Variants in SEMA3A observed in about 807,000 individuals in gnomAD.
SEMA3A encodes the protein semaphorin 3A, also known as semaphorin-3A.
SEMA3A carries 29 observed loss-of-function variants against 97.9 expected under a neutral mutation model. The observed-to-expected ratio is 0.30, with a 90% CI of 0.22 to 0.40. The LOEUF (loss-of-function observed/expected upper bound fraction) is 0.40, where lower values mean the gene tolerates loss of function less well. Among genes scored for constraint, SEMA3A ranks in the 10% least tolerant of loss-of-function variants. SEMA3A has a pLI of 1.00. For synonymous variants in SEMA3A, 321 were observed against 323.7 expected, an observed-to-expected ratio of 0.99 and a Z score of 0.09; for missense variants, 763 against 951.3, an observed-to-expected ratio of 0.80 and a Z score of 2.60.
chr7:84,142,061 A>T (rs1188446756), intron 1 of SEMA3A, among the ~76,000 whole-genome samples: 2 of 152,130 alleles, frequency 1.3e-5, no homozygotes, highest in Admixed American at 6.6e-5. Context: ...TTTTCCTCAA[A>T]TATGCTTATA....
At chr7:84,214,139 C>T (rs1284651229) in intron 3 of SEMA3A, among the ~76,000 whole-genome samples, 2 of 152,084 alleles carry the variant, frequency 1.3e-5, no homozygotes, top group African/African-American at 4.8e-5. Context: ...TGAATAGATA[C>T]TTTTTTGTAC....
At chr7:84,453,109 T>C (rs1321069053) in intron 1 of SEMA3A, among the ~76,000 whole-genome samples, 6 of 146,386 alleles carry the variant, frequency 4.1e-5, no homozygotes, top group Admixed American at 2.0e-4. Context: ...CAAAGGAATC[T>C]GGAGGAAAAA....
chr7:84,422,282 T>A (rs551725427), intron 1 of SEMA3A, among the ~76,000 whole-genome samples: 1 of 152,246 alleles, frequency 6.6e-6, no homozygotes, highest in African/African-American at 2.4e-5. Context: ...CCATTTATTC[T>A]AGATTTTCTA....
chr7:83,963,566 C>T (rs971360899), intron 15 of SEMA3A, among the ~76,000 whole-genome samples: 12 of 152,208 alleles, frequency 7.9e-5, no homozygotes, highest in South Asian at 4.2e-4. Flanking sequence ...AAAACATAGA[C>T]GGAGATTTGT....
chr7:84,397,988 G>T (rs993842063), intron 1 of SEMA3A, among the ~76,000 whole-genome samples: 13 of 152,082 alleles, frequency 8.5e-5, no homozygotes, highest in African/African-American at 3.1e-4. Context: ...GCACCTGTAT[G>T]CCATGCATTG....
At chr7:84,020,048 T>C (rs1370233599) in intron 6 of SEMA3A, among the ~76,000 whole-genome samples, 1 of 122,260 alleles carries the variant, frequency 8.2e-6, no homozygotes, top group African/African-American at 3.2e-5. Flanking sequence ...TTTTTTTTTT[T>C]TTTTTTTTTT....
At chr7:84,359,860 G>A (rs1352775229) in intron 2 of SEMA3A, among the ~76,000 whole-genome samples, 1 of 151,998 alleles carries the variant, frequency 6.6e-6, no homozygotes, top group East Asian at 1.9e-4. Flanking sequence ...TTCTGGTTTA[G>A]TCTTGGGAGG....
chr7:84,333,053 C>T (rs1212407255), intron 2 of SEMA3A, among the ~76,000 whole-genome samples: 1 of 151,942 alleles, frequency 6.6e-6, no homozygotes, highest in Non-Finnish European at 1.5e-5. Flanking sequence ...ATTTAGTTAC[C>T]TCCATTGATA....
At position 84,038,812 on chromosome 7, in the gene SEMA3A, G is replaced by A. The variant is rs140917643; in HGVS notation, c.667+7512C>T. ...GTACTTACTAGAGATAAATTAACAC[G>A]TACAGAAACACATTTCATTACAATT... On this transcript the variant is annotated intron_variant, in intron 6 of 16. Transcript: ENST00000265362. Among the ~76,000 whole-genome samples, 442 of 152,134 alleles carry A rather than the reference G, an allele frequency of 2.9e-3. 3 individuals are homozygous for A. Among genetic ancestry groups the A allele is most frequent in the African/African-American group, 9.7e-3 (401 of 41,504 alleles).
intron 3 of SEMA3A, among the ~76,000 whole-genome samples, chr7:84,235,356 A>G (rs945079975): frequency 2.0e-5 from 3 of 152,044 alleles, no homozygotes; most frequent in Admixed American, 6.6e-5. Context: ...GCAATCATTT[A>G]TAAGTGTCTT....
At chr7:84,253,106 G>A (rs1209887445) in intron 3 of SEMA3A, among the ~76,000 whole-genome samples, 3 of 152,102 alleles carry the variant, frequency 2.0e-5, no homozygotes, top group African/African-American at 7.2e-5. Flanking sequence ...TCAAACTCCT[G>A]ATCTCAAGTG....
chr7:84,285,300 T>C lies in SEMA3A; in HGVS notation c.-83+21907A>G, dbSNP rs537883066. Among the ~76,000 whole-genome samples, 21 of 152,196 alleles carry C rather than the reference T, an allele frequency of 1.4e-4. No homozygotes were observed. The South Asian group carries it at 4.4e-3, about 32-fold the overall frequency. ...TAAACAAAAGGCAAATATAAAGAAT[T>C]TTTGACTTTATGCTCCACCAAAGGT... On this transcript the variant is annotated intron_variant, in intron 3 of 3. Coordinates refer to the SEMA3A transcript ENST00000424555.
chr7:84,370,801 G>A (rs1802954622), intron 2 of SEMA3A, among the ~76,000 whole-genome samples: 1 of 151,350 alleles, frequency 6.6e-6, no homozygotes, highest in Non-Finnish European at 1.5e-5. Flanking sequence ...GACATACAAT[G>A]GTAATTACAT....
intron 1 of SEMA3A, among the ~76,000 whole-genome samples, chr7:84,479,345 C>G (rs2715034): frequency 2.0e-5 from 3 of 152,032 alleles, no homozygotes; most frequent in Admixed American, 6.5e-5. Flanking sequence ...GCCAATTAAA[C>G]AGCAAACGGG....
At chr7:84,356,562 A>C (rs1476626104) in intron 2 of SEMA3A, among the ~76,000 whole-genome samples, 1 of 151,754 alleles carries the variant, frequency 6.6e-6, no homozygotes, top group East Asian at 1.9e-4. Flanking sequence ...AAATAAATAG[A>C]AATTGAATTC....
At position 84,071,866 on chromosome 7, in the gene SEMA3A, A is replaced by C. The variant is rs74680147; in HGVS notation, c.454-11308T>G. 6.9e-3 allele frequency among the ~76,000 whole-genome samples: 1,047 copies of C among 152,238 alleles called. 9 individuals carry two copies. Among genetic ancestry groups the C allele is most frequent in the African/African-American group, 0.024 (1,014 of 41,554 alleles). The stretch of plus-strand genomic sequence containing the variant: ...AAAAGAATCAATGAATGAGTGAAAA[A>C]ATTAGTAACTGGTTGGAAGAGACTG... On this transcript the variant is annotated intron_variant, in intron 4 of 16. Coordinates refer to ENST00000265362, the MANE Select transcript of SEMA3A (RefSeq NM_006080.3).
At chr7:84,379,332 T>C (rs780956853) in intron 1 of SEMA3A, among the ~76,000 whole-genome samples, 1 of 152,218 alleles carries the variant, frequency 6.6e-6, no homozygotes. Flanking sequence ...AGTTAATTTA[T>C]AGCTCTATGG....
intron 1 of SEMA3A, among the ~76,000 whole-genome samples, chr7:84,457,371 G>T (rs1051117029): frequency 6.6e-6 from 1 of 151,844 alleles, no homozygotes; most frequent in African/African-American, 2.4e-5. Context: ...AAACTCCTTG[G>T]AAGTTGTTAG....
chr7:84,178,435 A>G (rs953984675), intron 1 of SEMA3A, among the ~76,000 whole-genome samples: 2 of 152,096 alleles, frequency 1.3e-5, no homozygotes, highest in Non-Finnish European at 2.9e-5. Flanking sequence ...GTCTCATGTA[A>G]TCTACACAAC....
Sources: allele counts gnomAD v4.1 joint callset (sites outside exome capture counted in the v4.1 genomes callset), GRCh38; gene constraint gnomAD v4.1.1; transcripts MANE v1.5; gene names NCBI Gene and HGNC (gene_info 2026-07-23, HGNC 2026-07-21).